Variants in HS6ST3 observed in about 807,000 individuals in gnomAD.
HS6ST3 encodes the protein heparan-sulfate 6-O-sulfotransferase 3.
In HS6ST3, 12 loss-of-function variants were observed where a neutral mutation model predicts 36.7. The observed-to-expected ratio is 0.33, with a 90% CI of 0.21 to 0.53. The LOEUF is 0.53. Ranked by LOEUF, HS6ST3 falls within the 20% of genes least tolerant of loss-of-function variation. The pLI, the probability that HS6ST3 is intolerant of heterozygous loss-of-function variation, is 0.95. For missense variants in HS6ST3, 584 were observed against 640.9 expected (o/e 0.91, Z 0.96); for synonymous variants, 240 against 257.5 (o/e 0.93, Z 0.65).
chr13:96,275,149 G>T (rs1252696191), intron 1 of HS6ST3, among the ~76,000 whole-genome samples: 1 of 152,130 alleles, frequency 6.6e-6, no homozygotes, highest in African/African-American at 2.4e-5. Flanking sequence ...GAAAATAATT[G>T]CTTTAGTTAG....
At chr13:96,266,985 A>G (rs1228579673) in intron 1 of HS6ST3, among the ~76,000 whole-genome samples, 1 of 152,154 alleles carries the variant, frequency 6.6e-6, no homozygotes, top group East Asian at 1.9e-4. Flanking sequence ...GGTTCCCATA[A>G]TCACCACATG....
intron 1 of HS6ST3, among the ~76,000 whole-genome samples, chr13:96,658,268 C>CTTCTTT (rs1566422902): frequency 2.6e-5 from 2 of 76,172 alleles, no homozygotes; most frequent in Non-Finnish European, 4.9e-5. Context: ...TCTTCTTCTT[C>CTTCTTT]TTTTTTTTTT....
intron 1 of HS6ST3, among the ~76,000 whole-genome samples, chr13:96,696,108 G>A (rs540028641): frequency 6.6e-6 from 1 of 152,264 alleles, no homozygotes; most frequent in Admixed American, 6.5e-5. Flanking sequence ...ATTAAGAAAT[G>A]TATTTTAAGG....
At chr13:96,760,279 T>A (rs1233510858) in intron 1 of HS6ST3, among the ~76,000 whole-genome samples, 1 of 152,072 alleles carries the variant, frequency 6.6e-6, no homozygotes, top group Non-Finnish European at 1.5e-5. Flanking sequence ...TATAGAATTT[T>A]TATCTTCTTT....
At chr13:96,306,474 G>A (rs1319772532) in intron 1 of HS6ST3, among the ~76,000 whole-genome samples, 3 of 152,104 alleles carry the variant, frequency 2.0e-5, no homozygotes, top group African/African-American at 7.2e-5. Flanking sequence ...GCCTCCCAAA[G>A]TGCTGGGATT....
chr13:96,561,119 G>A (rs1324499338), intron 1 of HS6ST3, among the ~76,000 whole-genome samples: 2 of 152,098 alleles, frequency 1.3e-5, no homozygotes, highest in Non-Finnish European at 2.9e-5. Flanking sequence ...CACATTACCT[G>A]ACATCAAACT....
At chr13:96,355,410 C>A (rs1359308014) in intron 1 of HS6ST3, among the ~76,000 whole-genome samples, 1 of 148,524 alleles carries the variant, frequency 6.7e-6, no homozygotes, top group South Asian at 2.1e-4. Flanking sequence ...CACAAACACA[C>A]AAACACACAC....
At chr13:96,762,321 T>G (rs1876989866) in intron 1 of HS6ST3, among the ~76,000 whole-genome samples, 1 of 151,828 alleles carries the variant, frequency 6.6e-6, no homozygotes, top group Middle Eastern at 3.4e-3. Flanking sequence ...CTACTAAAAA[T>G]ATAAAAAAAT....
intron 1 of HS6ST3, among the ~76,000 whole-genome samples, chr13:96,278,145 G>A (rs990518069): frequency 3.3e-5 from 5 of 152,124 alleles, no homozygotes; most frequent in African/African-American, 7.2e-5. Flanking sequence ...TTCCTCCCAG[G>A]AGTAGAACTG....
At chr13:96,619,965 T>A (rs1436066124) in intron 1 of HS6ST3, among the ~76,000 whole-genome samples, 2 of 152,124 alleles carry the variant, frequency 1.3e-5, no homozygotes, top group African/African-American at 4.8e-5. Context: ...ACAAGGTAGG[T>A]GAATTGGCAG....
chr13:96,527,903 G>A (rs1226384615), intron 1 of HS6ST3, among the ~76,000 whole-genome samples: 1 of 152,158 alleles, frequency 6.6e-6, no homozygotes, highest in African/African-American at 2.4e-5. Flanking sequence ...ATTTTAGTGT[G>A]TTAATATTTG....
intron 1 of HS6ST3, among the ~76,000 whole-genome samples, chr13:96,594,013 A>G (rs890838123): frequency 4.0e-5 from 6 of 151,336 alleles, no homozygotes; most frequent in Non-Finnish European, 7.4e-5. Context: ...CTGGAGTGCA[A>G]TGGCGCGATC....
At chr13:96,235,769 G>A (rs2054531715) in intron 1 of HS6ST3, among the ~76,000 whole-genome samples, 1 of 152,136 alleles carries the variant, frequency 6.6e-6, no homozygotes, top group African/African-American at 2.4e-5. Context: ...TGATGCCAAA[G>A]TCTTATTTCC....
At position 96,215,458 on chromosome 13, in the gene HS6ST3, T is replaced by C. The variant is rs186855854; in HGVS notation, c.707+123889T>C. 1.5e-4 allele frequency among the ~76,000 whole-genome samples: 23 copies of C among 152,336 alleles called. No individual in the cohort carries two copies. The East Asian group carries it at 4.2e-3, about 28-fold the overall frequency. On this transcript the variant is annotated intron_variant, in intron 1 of 1. Coordinates refer to ENST00000376705, the MANE Select transcript of HS6ST3 (RefSeq NM_153456.4). ...AAAGAAATGTTGCCTTTCCCATGTG[T>C]TACCAGTCAAAATTATTTCTTGGTG...
intron 1 of HS6ST3, among the ~76,000 whole-genome samples, chr13:96,289,852 G>A (rs930677308): frequency 2.6e-5 from 4 of 152,136 alleles, no homozygotes; most frequent in African/African-American, 9.7e-5. Context: ...TCTGTGAGGT[G>A]CAAACCCAGG....
chr13:96,793,376 G>A (rs564980574), intron 1 of HS6ST3, among the ~76,000 whole-genome samples: 23 of 152,074 alleles, frequency 1.5e-4, no homozygotes, highest in East Asian at 5.8e-4. Context: ...GGAAACCCCC[G>A]GGTACCTTTT....
chr13:96,239,542 G>A, intron 1 of HS6ST3, among the ~76,000 whole-genome samples: 1 of 152,130 alleles, frequency 6.6e-6, no homozygotes, highest in East Asian at 1.9e-4. Flanking sequence ...AATGCTTTTT[G>A]CAAGGCATTC....
At chr13:96,524,442 T>C (rs2056105740) in intron 1 of HS6ST3, among the ~76,000 whole-genome samples, 1 of 152,220 alleles carries the variant, frequency 6.6e-6, no homozygotes, top group Non-Finnish European at 1.5e-5. Flanking sequence ...TGCTGCCTTT[T>C]GTTCAGATAT....
chr13:96,754,378 G>T (rs1395545047), intron 1 of HS6ST3, among the ~76,000 whole-genome samples: 1 of 152,056 alleles, frequency 6.6e-6, no homozygotes, highest in Non-Finnish European at 1.5e-5. Flanking sequence ...TGCTATTGTG[G>T]TCATATCTCT....
Sources: gnomAD v4.1 joint callset for allele counts (sites outside exome capture counted in the v4.1 genomes callset) on GRCh38, gnomAD v4.1.1 for gene constraint, MANE v1.5 for transcripts, NCBI Gene and HGNC (gene_info 2026-07-23, HGNC 2026-07-21) for gene names.